CDKL1: variants seen among roughly 807,000 people sequenced by gnomAD.
CDKL1 encodes the protein cyclin dependent kinase like 1, also known as cyclin-dependent kinase-like 1.
A neutral mutation model predicts 42.0 loss-of-function variants in CDKL1; 41 were observed. The observed-to-expected ratio is 0.98, with a 90% CI of 0.76 to 1.27. The LOEUF (loss-of-function observed/expected upper bound fraction) is 1.27. CDKL1 is among the 50% of genes most tolerant of loss of function. CDKL1 has a pLI of 0.00. For missense variants in CDKL1, 394 were observed against 428.4 expected, an observed-to-expected ratio of 0.92 and a Z score of 0.71; for synonymous variants, 153 against 158.6, an observed-to-expected ratio of 0.96 and a Z score of 0.26.
intron 9 of CDKL1, chr14:50,331,823 C>T: frequency 1.7e-6 from 1 of 586,764 alleles, no homozygotes; most frequent in Non-Finnish European, 3.0e-6. Context: ...CTGTATTTGC[C>T]CTAGCCAACT....
intron 2 of CDKL1, chr14:50,362,971 C>T (rs1195356902): frequency 3.4e-5 from 16 of 466,170 alleles, no homozygotes; most frequent in Non-Finnish European, 7.1e-5. Flanking sequence ...TTTGGGTCCG[C>T]ACTGCTGTAA....
chr14:50,396,962 A>C, upstream of CDKL1: 1 of 627,464 alleles, frequency 1.6e-6, no homozygotes. Flanking sequence ...GCCGCGCCCC[A>C]GCTTCCCACC....
chr14:50,393,278 A>C (rs1193268718), intron 2 of CDKL1, among the ~76,000 whole-genome samples: 1 of 152,212 alleles, frequency 6.6e-6, no homozygotes, highest in Admixed American at 6.5e-5. Context: ...CCCAGTCTAT[A>C]AGGGGTGAGA....
chr14:50,341,195 G>T lies in CDKL1; in HGVS notation c.492C>A (p.Thr164=), dbSNP rs1474156946. ...PSDYYTDYVA[T]RWYRSPELLV... ...GCAGCTCAGGGGAGCGGTACCACCT[G>T]GTAGCCACGTAGTCTGTATAGTAGT... The change falls in exon 6 of 10, where the codon ACC becomes ACA. Residue 164 remains threonine, a synonymous_variant. Coordinates refer to ENST00000395834, the MANE Select transcript of CDKL1 (RefSeq NM_004196.7). 1 of 1,614,094 alleles carries T rather than the reference G, an allele frequency of 6.2e-7. No homozygotes were observed. Among genetic ancestry groups the T allele is most frequent in the African/African-American group, 1.3e-5 (1 of 75,038 alleles).
intron 2 of CDKL1, among the ~76,000 whole-genome samples, chr14:50,391,042 C>T (rs1302321744): frequency 6.6e-6 from 1 of 152,056 alleles, no homozygotes; most frequent in Non-Finnish European, 1.5e-5. Flanking sequence ...ACCACGTTGC[C>T]CCTGCTGGTC....
intron 2 of CDKL1, among the ~76,000 whole-genome samples, chr14:50,367,890 TTGC>T (rs759881998): frequency 1.1e-4 from 17 of 152,372 alleles, no homozygotes; most frequent in Middle Eastern, 6.8e-3. Flanking sequence ...GTTTCCACTT[TTGC>T]TGCTGCTATT....
intron 2 of CDKL1, among the ~76,000 whole-genome samples, chr14:50,385,760 C>T (rs570693980): frequency 3.4e-5 from 5 of 145,876 alleles, no homozygotes; most frequent in East Asian, 2.0e-4. Flanking sequence ...GTTGAGATTG[C>T]GCCACTGCAC....
intron 2 of CDKL1, among the ~76,000 whole-genome samples, chr14:50,373,308 CAA>C (rs1378275262): frequency 2.0e-5 from 3 of 151,920 alleles, no homozygotes; most frequent in Non-Finnish European, 2.9e-5. Context: ...GGAAAATGGG[CAA>C]AATATATCAA....
intron 2 of CDKL1, among the ~76,000 whole-genome samples, chr14:50,369,566 T>TTA (rs1213468737): frequency 6.8e-6 from 1 of 147,158 alleles, no homozygotes; most frequent in Non-Finnish European, 1.5e-5. Context: ...CAATTTATAA[T>TTA]TATATATATA....
chr14:50,348,747 A>G (rs189172786), intron 3 of CDKL1, among the ~76,000 whole-genome samples: 1 of 152,354 alleles, frequency 6.6e-6, no homozygotes, highest in Non-Finnish European at 1.5e-5. Context: ...GATGCCCAAG[A>G]AAAGCCTCTA....
chr14:50,375,690 G>C (rs1284743551), intron 2 of CDKL1, among the ~76,000 whole-genome samples: 3 of 152,126 alleles, frequency 2.0e-5, no homozygotes, highest in African/African-American at 7.2e-5. Context: ...CCAGCTACTT[G>C]GGAGGCTGAG....
intron 2 of CDKL1, among the ~76,000 whole-genome samples, chr14:50,391,991 C>T (rs551568037): frequency 1.3e-5 from 2 of 152,186 alleles, no homozygotes; most frequent in Non-Finnish European, 2.9e-5. Flanking sequence ...CTCTCTTAAT[C>T]CCTTGCTGAT....
chr14:50,391,529 C>T (rs2035256918), intron 2 of CDKL1, among the ~76,000 whole-genome samples: 1 of 152,188 alleles, frequency 6.6e-6, no homozygotes, highest in South Asian at 2.1e-4. Flanking sequence ...ATTACAGGTG[C>T]CTGACACCAC....
At chr14:50,341,295 G>C in intron 5 of CDKL1, 63 bp from the exon 6 acceptor site, 1 of 1,523,966 alleles carries the variant, frequency 6.6e-7, no homozygotes, top group African/African-American at 1.4e-5. Flanking sequence ...AACTGAGGGG[G>C]AGATCTCAGA....
Position 50,328,449 on chromosome 14 carries a change from G to T in CDKL1, c.*1625C>A, listed in dbSNP as rs896053863. On this transcript the variant is annotated 3_prime_UTR_variant, in exon 10 of 10. Transcript: ENST00000395834. ...CTCAGTGGATTACTTAAGTAAATGGGGTCAGATGTCATCATGAAGAAAATT... is the reference window on the plus strand; with the variant it reads ...CTCAGTGGATTACTTAAGTAAATGGTGTCAGATGTCATCATGAAGAAAATT... 1 of 152,088 alleles carries T rather than the reference G, an allele frequency of 6.6e-6. No homozygotes were observed. Among genetic ancestry groups the T allele is most frequent in the Non-Finnish European group, 1.5e-5 (1 of 68,020 alleles). The allele number at this position is 152,088 out of a possible 1,614,324, so 9.4% of individuals were successfully genotyped here. A position where few individuals can be genotyped will look rare whatever the true frequency, so the allele number is the denominator to read the frequency against.
intron 6 of CDKL1, among the ~76,000 whole-genome samples, chr14:50,340,309 T>C (rs936647288): frequency 1.3e-5 from 2 of 152,216 alleles, no homozygotes; most frequent in African/African-American, 4.8e-5. Flanking sequence ...ACAGTATCTT[T>C]GGGAAGATAA....
chr14:50,352,182 G>C (rs1016565345), intron 3 of CDKL1, among the ~76,000 whole-genome samples: 2 of 152,124 alleles, frequency 1.3e-5, no homozygotes, highest in African/African-American at 4.8e-5. Flanking sequence ...TCAGCATATA[G>C]TGGCCTCATA....
rs771126301 is a variant in CDKL1 at position 50,331,997 on chromosome 14, C to A, written c.966+265G>T. 5 of 1,522,108 alleles carry A rather than the reference C, an allele frequency of 3.3e-6. No individual in the cohort carries two copies. The South Asian group carries it at 3.6e-5, about 11-fold the overall frequency. The allele number at this position is 1,522,108 out of a possible 1,614,324, so 94.3% of individuals were successfully genotyped here. ...CTTAGCTGGACTCATACTCATGTACCTTGTTGAGACCTGTGCTCATGCAGG... is the reference window on the plus strand; with the variant it reads ...CTTAGCTGGACTCATACTCATGTACATTGTTGAGACCTGTGCTCATGCAGG... On this transcript the variant is annotated intron_variant, in intron 9 of 9. Coordinates refer to ENST00000395834, the MANE Select transcript of CDKL1 (RefSeq NM_004196.7).
intron 2 of CDKL1, among the ~76,000 whole-genome samples, chr14:50,381,302 G>C (rs906673090): frequency 3.3e-5 from 5 of 152,184 alleles, no homozygotes; most frequent in African/African-American, 1.2e-4. Context: ...GTAACCCAAA[G>C]CTGCCCACTG....
Sources: allele counts gnomAD v4.1 joint callset (sites outside exome capture counted in the v4.1 genomes callset), GRCh38; gene constraint gnomAD v4.1.1; transcripts MANE v1.5; gene names NCBI Gene and HGNC (gene_info 2026-07-23, HGNC 2026-07-21).